Variants in PCDH9 observed in about 807,000 individuals in gnomAD.
PCDH9 encodes the protein protocadherin 9.
A neutral mutation model predicts 70.6 loss-of-function variants in PCDH9; 24 were observed. The observed-to-expected ratio is 0.34, with a 90% CI of 0.25 to 0.48. The LOEUF is 0.48. Ranked by LOEUF, PCDH9 falls within the 20% of genes least tolerant of loss-of-function variation. The pLI is 0.99. For missense variants in PCDH9, 1,281 were observed against 1,503.6 expected (o/e 0.85, Z 2.45); for synonymous variants, 562 against 558.5 (o/e 1.01, Z -0.09).
chr13:67,223,426 A>G (rs2089777962), intron 2 of PCDH9: 1 of 152,300 alleles, frequency 6.6e-6, no homozygotes, highest in South Asian at 2.1e-4. Context: ...TTGGAAAGAA[A>G]ATGTCAGATT....
intron 2 of PCDH9, among the ~76,000 whole-genome samples, chr13:67,020,714 A>G (rs938907643): frequency 2.0e-5 from 3 of 152,226 alleles, no homozygotes; most frequent in Non-Finnish European, 2.9e-5. Context: ...TAAATAAGTC[A>G]ATCTAGCCAG....
intron 2 of PCDH9, among the ~76,000 whole-genome samples, chr13:67,117,163 T>A (rs2086794399): frequency 6.6e-6 from 1 of 152,054 alleles, no homozygotes; most frequent in African/African-American, 2.4e-5. Context: ...GATAAGTGAG[T>A]TGTTTCTGTT....
chr13:67,148,007 A>G (rs920324123), intron 2 of PCDH9, among the ~76,000 whole-genome samples: 1 of 152,172 alleles, frequency 6.6e-6, no homozygotes, highest in African/African-American at 2.4e-5. Context: ...GTCGGCTGCT[A>G]TAACGATTTC....
rs568384184 is a variant in PCDH9, at chr13:67,195,980, T to C, written c.3036+29425A>G. ...TTAAATGAGTGACTTATATGATATG[T>C]AAAATGTACCTTAAGTTGTAAAAAA... On this transcript the variant is annotated intron_variant, in intron 2 of 4. Transcript: ENST00000377865. Among the ~76,000 whole-genome samples the C allele has an allele frequency of 5.3e-5, 8 of 152,322 alleles. No homozygotes were observed. In the East Asian group the frequency reaches 5.8e-4, roughly 11 times the overall value.
At chr13:67,184,660 G>A (rs113419559) in intron 2 of PCDH9, among the ~76,000 whole-genome samples, 5,717 of 152,256 alleles carry the variant, frequency 0.038, 125 homozygotes, top group Non-Finnish European at 0.055. Context: ...GAACCCAGGA[G>A]GCTGAGGCTG....
intron 3 of PCDH9, among the ~76,000 whole-genome samples, chr13:66,747,906 T>C (rs1460817302): frequency 1.2e-4 from 18 of 152,194 alleles, no homozygotes; most frequent in Admixed American, 9.2e-4. Flanking sequence ...GTTCGTTATG[T>C]AGTAATTAGA....
At chr13:66,314,611 C>T (rs1442325914) in intron 4 of PCDH9, among the ~76,000 whole-genome samples, 5 of 152,204 alleles carry the variant, frequency 3.3e-5, no homozygotes. Context: ...ATTTGACTAT[C>T]TACTTATCAG....
At chr13:66,875,247 T>C (rs1446788792) in intron 3 of PCDH9, among the ~76,000 whole-genome samples, 3 of 152,240 alleles carry the variant, frequency 2.0e-5, no homozygotes, top group East Asian at 1.9e-4. Flanking sequence ...GGCTCATAAA[T>C]GAGGGATTAC....
At position 66,475,499 on chromosome 13, in the gene PCDH9, T is replaced by C. The variant is rs138309576; in HGVS notation, c.3340+155711A>G. On this transcript the variant is annotated intron_variant, in intron 4 of 4. Coordinates refer to ENST00000377865, the MANE Select transcript of PCDH9 (RefSeq NM_203487.3). The stretch of plus-strand genomic sequence containing the variant: ...CTTACCCCTTCTGAGACCAACCATT[T>C]GGAAGTAACATACTATTTTTTACAG... 8.3e-3 allele frequency among the ~76,000 whole-genome samples: 1,265 copies of C among 152,240 alleles called. 18 individuals carry two copies. Among genetic ancestry groups the C allele is most frequent in the East Asian group, 0.039 (204 of 5,192 alleles).
intron 3 of PCDH9, among the ~76,000 whole-genome samples, chr13:66,637,340 C>T (rs927420584): frequency 3.9e-5 from 6 of 152,114 alleles, no homozygotes; most frequent in Non-Finnish European, 8.8e-5. Context: ...GAGACTTAAA[C>T]CTTAAGGTTT....
chr13:66,988,667 T>C (rs2083941236), intron 2 of PCDH9, among the ~76,000 whole-genome samples: 1 of 151,938 alleles, frequency 6.6e-6, no homozygotes. Flanking sequence ...AATGAAAGAA[T>C]GAGGAAATAA....
intron 2 of PCDH9, chr13:67,204,515 A>G (rs2089293027): frequency 6.6e-6 from 1 of 152,142 alleles, no homozygotes; most frequent in Non-Finnish European, 1.5e-5. Context: ...ATATTAATCC[A>G]TAATTGTGGA....
At chr13:67,002,295 T>C (rs2084261109) in intron 2 of PCDH9, among the ~76,000 whole-genome samples, 1 of 152,078 alleles carries the variant, frequency 6.6e-6, no homozygotes, top group African/African-American at 2.4e-5. Context: ...TTATATAAAT[T>C]CATAAGCTAG....
intron 2 of PCDH9, among the ~76,000 whole-genome samples, chr13:67,151,691 G>T (rs1202413803): frequency 6.8e-6 from 1 of 147,234 alleles, no homozygotes; most frequent in African/African-American, 2.4e-5. Flanking sequence ...CTTAGAGGAA[G>T]AAAAAAATTC....
At chr13:67,174,272 ATAGATAGC>A (rs1488156643) in intron 2 of PCDH9, among the ~76,000 whole-genome samples, 1 of 151,854 alleles carries the variant, frequency 6.6e-6, no homozygotes, top group Non-Finnish European at 1.5e-5. Context: ...TAGATAGATG[ATAGATAGC>A]TAGATAGACA....
chr13:66,931,308 G>A (rs2082804167), intron 2 of PCDH9, among the ~76,000 whole-genome samples: 1 of 152,034 alleles, frequency 6.6e-6, no homozygotes, highest in Admixed American at 6.6e-5. Context: ...AATTAAAAAT[G>A]TAAAAGTATT....
chr13:66,485,606 T>C (rs1958922948), intron 4 of PCDH9, among the ~76,000 whole-genome samples: 1 of 151,618 alleles, frequency 6.6e-6, no homozygotes, highest in Admixed American at 6.6e-5. Flanking sequence ...GACAAAATCA[T>C]ATATATAGAG....
chr13:67,195,907 T>C (rs932916655), intron 2 of PCDH9, among the ~76,000 whole-genome samples: 4 of 152,288 alleles, frequency 2.6e-5, no homozygotes, highest in Non-Finnish European at 5.9e-5. Context: ...TTTATAGGAA[T>C]GGTTGCTCGA....
At chr13:66,693,225 C>G (rs1340548865) in intron 3 of PCDH9, among the ~76,000 whole-genome samples, 1 of 152,098 alleles carries the variant, frequency 6.6e-6, no homozygotes, top group Non-Finnish European at 1.5e-5. Context: ...TGCCACAGAA[C>G]TGTGGTATTA....
Sources: gnomAD v4.1 joint callset for allele counts (sites outside exome capture counted in the v4.1 genomes callset) on GRCh38, gnomAD v4.1.1 for gene constraint, MANE v1.5 for transcripts, NCBI Gene and HGNC (gene_info 2026-07-23, HGNC 2026-07-21) for gene names.